Variants in MDGA2 observed in about 807,000 individuals in gnomAD.
The protein encoded by MDGA2 is MAM domain-containing glycosylphosphatidylinositol anchor protein 2.
A neutral mutation model predicts 117.8 loss-of-function variants in MDGA2; 40 were observed. The observed-to-expected ratio is 0.34, with a 90% CI of 0.26 to 0.44. The LOEUF (loss-of-function observed/expected upper bound fraction) is 0.44, where lower values mean the gene tolerates loss of function less well. MDGA2 is among the 20% of genes least tolerant of loss of function. The pLI, the probability that MDGA2 is intolerant of heterozygous loss-of-function variation, is 1.00. For missense variants in MDGA2, 1,123 were observed against 1,250.6 expected (o/e 0.90, Z 1.54); for synonymous variants, 452 against 439.0 (o/e 1.03, Z -0.37).
chr14:47,015,193 T>C (rs1888038297), intron 8 of MDGA2, among the ~76,000 whole-genome samples: 1 of 151,826 alleles, frequency 6.6e-6, no homozygotes, highest in Non-Finnish European at 1.5e-5. Context: ...CTCAAAACAA[T>C]TAAAATAATA....
chr14:47,355,066 C>T (rs1022626806), intron 1 of MDGA2, among the ~76,000 whole-genome samples: 25 of 152,040 alleles, frequency 1.6e-4, no homozygotes, highest in African/African-American at 1.9e-4. Context: ...CTACTGTGCC[C>T]GATGCCTGGG....
chr14:47,476,555 A>T (rs530593789), intron 1 of MDGA2, among the ~76,000 whole-genome samples: 178 of 152,270 alleles, frequency 1.2e-3, no homozygotes, highest in Non-Finnish European at 2.1e-3. Flanking sequence ...AATAGAAAAC[A>T]AACACAGTGA....
chr14:47,236,748 A>T (rs1886878887), intron 2 of MDGA2, among the ~76,000 whole-genome samples: 1 of 152,196 alleles, frequency 6.6e-6, no homozygotes, highest in Admixed American at 6.5e-5. Flanking sequence ...CTAGTTTGAA[A>T]ATGTCCAAAA....
intron 7 of MDGA2, among the ~76,000 whole-genome samples, chr14:47,061,001 A>G (rs1308514708): frequency 8.6e-5 from 13 of 152,022 alleles, no homozygotes; most frequent in Non-Finnish European, 1.6e-4. Context: ...TTATAAGCCT[A>G]TATCTATCTT....
At chr14:47,160,178 A>T (rs2139271720) in intron 3 of MDGA2, among the ~76,000 whole-genome samples, 1 of 152,288 alleles carries the variant, frequency 6.6e-6, no homozygotes, top group Non-Finnish European at 1.5e-5. Flanking sequence ...GTTAGGATCT[A>T]CTTCTGGCTT....
At chr14:47,123,057 AAC>A (rs1881731617) in intron 5 of MDGA2, among the ~76,000 whole-genome samples, 1 of 152,088 alleles carries the variant, frequency 6.6e-6, no homozygotes, top group Non-Finnish European at 1.5e-5. Context: ...TGTTTGCTAA[AAC>A]ACAGATTATT....
chr14:47,076,384 A>C (rs978359368), intron 6 of MDGA2, among the ~76,000 whole-genome samples: 1 of 152,142 alleles, frequency 6.6e-6, no homozygotes, highest in Non-Finnish European at 1.5e-5. Flanking sequence ...CTTGCGGTTA[A>C]AAATCAAAAT....
At chr14:47,176,406 C>T (rs561456588) in intron 3 of MDGA2, among the ~76,000 whole-genome samples, 20 of 152,288 alleles carry the variant, frequency 1.3e-4, no homozygotes, top group South Asian at 6.2e-4. Context: ...AACTATACTA[C>T]AAGGCTACAG....
intron 1 of MDGA2, among the ~76,000 whole-genome samples, chr14:47,494,669 G>GTT (rs1401633392): frequency 6.6e-6 from 1 of 151,832 alleles, no homozygotes; most frequent in Admixed American, 6.6e-5. Context: ...CTTACATCTA[G>GTT]TTTTTTAATC....
At chr14:46,977,140 T>C (rs1886493431) in intron 8 of MDGA2, among the ~76,000 whole-genome samples, 1 of 151,850 alleles carries the variant, frequency 6.6e-6, no homozygotes, top group Non-Finnish European at 1.5e-5. Context: ...AGAGTACACA[T>C]GACTATATGA....
At chr14:46,920,630 G>A (rs1465462110) in intron 9 of MDGA2, among the ~76,000 whole-genome samples, 1 of 152,174 alleles carries the variant, frequency 6.6e-6, no homozygotes, top group Non-Finnish European at 1.5e-5. Flanking sequence ...GGAAGTGTGA[G>A]TAGATAGAGA....
intron 1 of MDGA2, among the ~76,000 whole-genome samples, chr14:47,325,871 T>C (rs1890126998): frequency 1.3e-5 from 2 of 152,108 alleles, no homozygotes; most frequent in African/African-American, 2.4e-5. Context: ...GAGAGGCCAC[T>C]TTGGGTAGGA....
intron 1 of MDGA2, among the ~76,000 whole-genome samples, chr14:47,523,077 T>G (rs1352699237): frequency 1.3e-5 from 2 of 152,200 alleles, no homozygotes; most frequent in Non-Finnish European, 2.9e-5. Context: ...TTGTGTACAT[T>G]TATATAGTTA....
At chr14:47,028,304 T>C (rs890745526) in intron 8 of MDGA2, among the ~76,000 whole-genome samples, 7 of 152,132 alleles carry the variant, frequency 4.6e-5, no homozygotes, top group Admixed American at 2.6e-4. Flanking sequence ...AGTATAAATT[T>C]ATATTATGTG....
rs190020202 is a variant in MDGA2, at chr14:46,951,353, T to C, written c.2089+6021A>G. On this transcript the variant is annotated intron_variant, in intron 9 of 16. Coordinates refer to ENST00000399232, the MANE Select transcript of MDGA2 (RefSeq NM_001113498.3). ...AAGACCCTAAGATGACTCCCAATGA[T>C]TCCTGTCTCTTGTTTTTCATATATT... Among the ~76,000 whole-genome samples, 56 of 152,138 alleles carry C rather than the reference T, an allele frequency of 3.7e-4. No individual in the cohort carries two copies. In the East Asian group the frequency reaches 9.7e-3, roughly 26 times the overall value.
intron 1 of MDGA2, among the ~76,000 whole-genome samples, chr14:47,608,455 G>T (rs145275986): frequency 6.6e-6 from 1 of 152,022 alleles, no homozygotes; most frequent in African/African-American, 2.4e-5. Flanking sequence ...AGGCTCGTAG[G>T]GAAGAACATT....
At chr14:47,138,010 A>C (rs1042369547) in intron 4 of MDGA2, among the ~76,000 whole-genome samples, 3 of 152,158 alleles carry the variant, frequency 2.0e-5, no homozygotes, top group East Asian at 3.9e-4. Flanking sequence ...AAATAACAGA[A>C]TTATGGAAAA....
chr14:47,602,527 T>C (rs1262860724), intron 1 of MDGA2, among the ~76,000 whole-genome samples: 1 of 152,178 alleles, frequency 6.6e-6, no homozygotes, highest in Non-Finnish European at 1.5e-5. Context: ...CTATGTTCCT[T>C]CTCTTTTTAG....
intron 5 of MDGA2, among the ~76,000 whole-genome samples, chr14:47,109,766 C>CA (rs1399854862): frequency 2.0e-5 from 3 of 152,042 alleles, no homozygotes; most frequent in Admixed American, 1.3e-4. Flanking sequence ...GCCAACATGG[C>CA]AAAAATATGC....
Sources: gnomAD v4.1 joint callset for allele counts (sites outside exome capture counted in the v4.1 genomes callset) on GRCh38, gnomAD v4.1.1 for gene constraint, MANE v1.5 for transcripts, NCBI Gene and HGNC (gene_info 2026-07-23, HGNC 2026-07-21) for gene names.